GNG2: variants seen among roughly 807,000 people sequenced by gnomAD.
GNG2 encodes the protein G protein subunit gamma 2.
A neutral mutation model predicts 5.5 loss-of-function variants in GNG2; 5 were observed. The ratio of observed to expected loss-of-function variants is 0.91; its 90% CI spans 0.48 to 1.92. The LOEUF is 1.92. GNG2 is among the 30% of genes most tolerant of loss of function. The pLI, the probability that GNG2 is intolerant of heterozygous loss-of-function variation, is 0.01. For missense variants in GNG2, 55 were observed against 88.4 expected, an observed-to-expected ratio of 0.62 and a Z score of 1.52; for synonymous variants, 28 against 32.0, an observed-to-expected ratio of 0.88 and a Z score of 0.42.
chr14:51,840,148 G>A (rs72675899), intron 2 of GNG2, among the ~76,000 whole-genome samples: 3,955 of 152,312 alleles, frequency 0.026, 97 homozygotes, highest in Middle Eastern at 0.037. Flanking sequence ...CTCCACCTGG[G>A]TAGCTCCATC....
Position 51,871,157 on chromosome 14 carries a change from G to GT in GNG2, c.-70-6453dup, listed in dbSNP as rs1446582673. On this transcript the variant is annotated intron_variant, in intron 1 of 3. Transcript: ENST00000556766. ...GGGAGAATTAAATTGGTCCTTTGCCGTTTTTTTAAACCTCATGAATGACGG... is the reference window on the plus strand; with the variant it reads ...GGGAGAATTAAATTGGTCCTTTGCCGTTTTTTTTAAACCTCATGAATGACGG... Among the ~76,000 whole-genome samples, 7 of 151,884 alleles carry GT rather than the reference G, an allele frequency of 4.6e-5. No homozygotes were observed. In the South Asian group the frequency reaches 1.0e-3, roughly 23 times the overall value.
At chr14:51,966,209 C>CAA (rs34653524) in intron 3 of GNG2, among the ~76,000 whole-genome samples, 1,351 of 28,118 alleles carry the variant, frequency 0.048, 327 homozygotes, top group African/African-American at 0.2. Context: ...GACTGCATCT[C>CAA]AAAAAAAAAA....
At chr14:51,850,385 A>G (rs1881849330) in intron 2 of GNG2, among the ~76,000 whole-genome samples, 1 of 152,060 alleles carries the variant, frequency 6.6e-6, no homozygotes, top group African/African-American at 2.4e-5. Flanking sequence ...CTCCCTCCTA[A>G]TCTTCTTCCT....
intron 2 of GNG2, among the ~76,000 whole-genome samples, chr14:51,945,892 C>A (rs1017581413): frequency 8.2e-6 from 1 of 122,590 alleles, no homozygotes; most frequent in Admixed American, 7.8e-5. Flanking sequence ...CTTCCTCTCA[C>A]GTTGCGTTGT....
At position 51,922,530 on chromosome 14, in the gene GNG2, C is replaced by G. The variant is rs75473186; in HGVS notation, c.-29-28120C>G. ...CTGACAACCACACCCTGACCCCTACCCCTACCAGAGGCTATCCAACACTGT... is the reference window on the plus strand; with the variant it reads ...CTGACAACCACACCCTGACCCCTACGCCTACCAGAGGCTATCCAACACTGT... On this transcript the variant is annotated intron_variant, in intron 2 of 3. Transcript: ENST00000556766. Among the ~76,000 whole-genome samples the G allele has an allele frequency of 2.0e-3, 306 of 152,224 alleles. 1 individual carries two copies. The highest frequency in any genetic ancestry group is 6.9e-3 in the African/African-American group (287 of 41,534).
rs1405032810 is a variant in GNG2, at chr14:51,871,569, A to G, written c.-70-6048A>G. 2.0e-5 allele frequency among the ~76,000 whole-genome samples: 3 copies of G among 152,238 alleles called. No individual in the cohort carries two copies. The East Asian group carries it at 5.8e-4, about 29-fold the overall frequency. ...CACAAAACTGACAGGAGAAAAATAC[A>G]TAATAAATGTGAAATGTTTATTTAG... On this transcript the variant is annotated intron_variant, in intron 1 of 3. Coordinates refer to ENST00000556766, the MANE Select transcript of GNG2 (RefSeq NM_053064.5).
intron 2 of GNG2, among the ~76,000 whole-genome samples, chr14:51,834,845 G>A (rs546014770): frequency 6.6e-5 from 10 of 152,248 alleles, no homozygotes; most frequent in African/African-American, 2.4e-4. Context: ...CGGGGCATTC[G>A]ATTTATTTGT....
intron 2 of GNG2, among the ~76,000 whole-genome samples, chr14:51,944,768 A>G (rs145767596): frequency 6.6e-6 from 1 of 152,364 alleles, no homozygotes; most frequent in East Asian, 1.9e-4. Context: ...ATGGGTAACA[A>G]AAGCAAAAAT....
chr14:51,845,027 C>T (rs576831985), intron 2 of GNG2, among the ~76,000 whole-genome samples: 7 of 152,326 alleles, frequency 4.6e-5, no homozygotes, highest in African/African-American at 1.7e-4. Flanking sequence ...GCCCAGCCCT[C>T]CTGCCACAAT....
chr14:51,954,194 A>G (rs1253359264), intron 3 of GNG2, among the ~76,000 whole-genome samples: 2 of 152,204 alleles, frequency 1.3e-5, no homozygotes, highest in Non-Finnish European at 2.9e-5. Context: ...GATTTGGGCT[A>G]AGTGAACCAA....
At chr14:51,895,365 T>A (rs1327515310) in intron 2 of GNG2, among the ~76,000 whole-genome samples, 1 of 152,186 alleles carries the variant, frequency 6.6e-6, no homozygotes, top group African/African-American at 2.4e-5. Flanking sequence ...TAAATAAATG[T>A]TAACGAATCA....
chr14:51,862,930 C>T (rs1882616248), intron 1 of GNG2, among the ~76,000 whole-genome samples: 1 of 150,970 alleles, frequency 6.6e-6, no homozygotes, highest in Non-Finnish European at 1.5e-5. Context: ...ATGATTTTTC[C>T]TGGGGTATTC....
At chr14:51,829,613 T>C (rs962173774) in intron 2 of GNG2, among the ~76,000 whole-genome samples, 6 of 152,074 alleles carry the variant, frequency 3.9e-5, no homozygotes, top group Non-Finnish European at 8.8e-5. Context: ...ACTGACCCAT[T>C]CCCTTGCTCT....
Position 51,948,637 on chromosome 14 carries a change from C to T in GNG2, c.-29-2013C>T, listed in dbSNP as rs535862578. Among the ~76,000 whole-genome samples, 52 of 152,222 alleles carry T rather than the reference C, an allele frequency of 3.4e-4. No individual in the cohort carries two copies. In the South Asian group the frequency reaches 6.4e-3, roughly 19 times the overall value. ...AGCATGTAATTTCCCTGTGAGGCTG[C>T]GATGATTGGGTCTCTAACCATGCTA... On this transcript the variant is annotated intron_variant, in intron 2 of 3. Transcript: ENST00000556766.
intron 2 of GNG2, among the ~76,000 whole-genome samples, chr14:51,903,815 T>C (rs930857414): frequency 6.6e-6 from 1 of 152,160 alleles, no homozygotes; most frequent in African/African-American, 2.4e-5. Context: ...ACTCTATGGT[T>C]TGGGAAGAAC....
chr14:51,864,320 A>G (rs1882726596), intron 1 of GNG2, among the ~76,000 whole-genome samples: 1 of 152,186 alleles, frequency 6.6e-6, no homozygotes, highest in Non-Finnish European at 1.5e-5. Context: ...CTTCTTAGAA[A>G]AATGTCTATT....
chr14:51,841,282 G>T (rs1881474236), intron 2 of GNG2, among the ~76,000 whole-genome samples: 1 of 152,134 alleles, frequency 6.6e-6, no homozygotes, highest in Non-Finnish European at 1.5e-5. Flanking sequence ...CCCCTCTCCA[G>T]ACTGACTGAG....
chr14:51,952,694 A>G (rs1889057070), intron 3 of GNG2, among the ~76,000 whole-genome samples: 1 of 152,246 alleles, frequency 6.6e-6, no homozygotes. Flanking sequence ...CAGAAGAAAG[A>G]TAATAGAAAT....
chr14:51,836,124 C>G (rs1029111680), intron 2 of GNG2, among the ~76,000 whole-genome samples: 1 of 151,792 alleles, frequency 6.6e-6, no homozygotes, highest in Non-Finnish European at 1.5e-5. Flanking sequence ...ATTGTACCTT[C>G]ATTTGGCAGA....
Sources: allele counts gnomAD v4.1 joint callset (sites outside exome capture counted in the v4.1 genomes callset), GRCh38; gene constraint gnomAD v4.1.1; transcripts MANE v1.5; gene names NCBI Gene and HGNC (gene_info 2026-07-23, HGNC 2026-07-21).